Variants in TAFA2 observed in about 807,000 individuals in gnomAD.
TAFA2 encodes the protein TAFA chemokine like family member 2, also known as chemokine-like protein TAFA-2.
A neutral mutation model predicts 18.8 loss-of-function variants in TAFA2; 7 were observed. The observed-to-expected ratio is 0.37, with a 90% CI of 0.21 to 0.70. TAFA2 has a LOEUF of 0.70. Ranked by LOEUF, TAFA2 falls within the 30% of genes least tolerant of loss-of-function variation. The pLI is 0.53. For missense variants in TAFA2, 122 were observed against 158.1 expected (o/e 0.77, Z 1.23); for synonymous variants, 60 against 54.2 (o/e 1.11, Z -0.47).
intron 1 of TAFA2, among the ~76,000 whole-genome samples, chr12:62,181,994 C>CCCG (rs541761867): frequency 6.0e-5 from 9 of 149,440 alleles, no homozygotes; most frequent in African/African-American, 1.5e-4. Flanking sequence ...AGTCCATCCC[C>CCCG]CCCCCGCTAC....
intron 1 of TAFA2, among the ~76,000 whole-genome samples, chr12:62,035,732 T>TC (rs1200912605): frequency 2.4e-5 from 3 of 125,606 alleles, no homozygotes; most frequent in African/African-American, 9.4e-5. Context: ...AATGATTCTT[T>TC]CTTTTTTTTT....
intron 1 of TAFA2, among the ~76,000 whole-genome samples, chr12:62,053,177 A>G (rs1882100121): frequency 6.6e-6 from 1 of 152,244 alleles, no homozygotes; most frequent in African/African-American, 2.4e-5. Context: ...GAAAGTATAT[A>G]AAAAAGCAAT....
chr12:62,206,461 T>C (rs2062692090), intron 1 of TAFA2, among the ~76,000 whole-genome samples: 1 of 152,230 alleles, frequency 6.6e-6, no homozygotes, highest in African/African-American at 2.4e-5. Context: ...TTAATTCCAA[T>C]GCTTTATTTT....
chr12:62,150,987 G>A (rs1056609900), intron 1 of TAFA2, among the ~76,000 whole-genome samples: 2 of 150,236 alleles, frequency 1.3e-5, no homozygotes, highest in African/African-American at 2.4e-5. Context: ...AAGTGTTGAA[G>A]GCCTTGTCAA....
intron 1 of TAFA2, among the ~76,000 whole-genome samples, chr12:61,905,475 A>G (rs1408395977): frequency 2.0e-5 from 3 of 152,192 alleles, no homozygotes; most frequent in Non-Finnish European, 4.4e-5. Context: ...TTACCCCCTC[A>G]GAAGTTAAAA....
chr12:61,873,943 A>C (rs548133916), intron 1 of TAFA2, among the ~76,000 whole-genome samples: 90 of 152,188 alleles, frequency 5.9e-4, no homozygotes, highest in South Asian at 2.1e-4. Context: ...TACAGTAACA[A>C]ATTAGGAGAT....
At chr12:61,997,165 A>ATGTG (rs1280241925) in intron 1 of TAFA2, among the ~76,000 whole-genome samples, 65 of 83,762 alleles carry the variant, frequency 7.8e-4, no homozygotes, top group African/African-American at 2.0e-3. Flanking sequence ...CTATATGTAT[A>ATGTG]TATGTGTGTG....
chr12:61,857,020 T>A (rs1052285242), intron 2 of TAFA2, among the ~76,000 whole-genome samples: 1 of 151,846 alleles, frequency 6.6e-6, no homozygotes, highest in African/African-American at 2.4e-5. Context: ...GTATGTGTAG[T>A]AGAATTACAG....
intron 1 of TAFA2, among the ~76,000 whole-genome samples, chr12:62,249,059 TA>T (rs201478422): frequency 2.0e-5 from 3 of 151,992 alleles, no homozygotes; most frequent in East Asian, 1.9e-4. Context: ...GGTAATTGTT[TA>T]AAAATTTTTT....
chr12:62,123,014 C>T (rs1235831580), intron 1 of TAFA2, among the ~76,000 whole-genome samples: 1 of 152,184 alleles, frequency 6.6e-6, no homozygotes, highest in Non-Finnish European at 1.5e-5. Context: ...TAGGCTCTTC[C>T]AGCTACAGGT....
intron 1 of TAFA2, among the ~76,000 whole-genome samples, chr12:62,112,420 T>A (rs1199935072): frequency 6.6e-6 from 1 of 152,320 alleles, no homozygotes; most frequent in East Asian, 1.9e-4. Flanking sequence ...GCCCTTAACA[T>A]TTTTTCCTTC....
At chr12:62,065,049 C>T (rs1190403482) in intron 1 of TAFA2, among the ~76,000 whole-genome samples, 3 of 151,922 alleles carry the variant, frequency 2.0e-5, no homozygotes, top group African/African-American at 7.2e-5. Context: ...CTTTAGATAG[C>T]TGTTGTTGCT....
chr12:61,898,109 T>C (rs1485325331), intron 1 of TAFA2, among the ~76,000 whole-genome samples: 1 of 152,236 alleles, frequency 6.6e-6, no homozygotes, highest in Non-Finnish European at 1.5e-5. Context: ...ATGTCTCACA[T>C]CCAGGTCACA....
chr12:61,782,200 A>G (rs1404942830), intron 2 of TAFA2, among the ~76,000 whole-genome samples: 1 of 151,708 alleles, frequency 6.6e-6, no homozygotes, highest in Non-Finnish European at 1.5e-5. Context: ...AAATGAGTTC[A>G]GGCCATGATG....
At chr12:61,747,657 T>C (rs374327597) in intron 4 of TAFA2, among the ~76,000 whole-genome samples, 8,684 of 147,914 alleles carry the variant, frequency 0.059, 849 homozygotes, top group African/African-American at 0.21. Flanking sequence ...TAGGTGGGAA[T>C]TGAACAATGA....
intron 2 of TAFA2, among the ~76,000 whole-genome samples, chr12:61,838,534 T>C (rs948688681): frequency 6.6e-6 from 1 of 151,878 alleles, no homozygotes; most frequent in African/African-American, 2.4e-5. Context: ...CAAGATGAAG[T>C]AGTCAGGCAG....
chr12:61,708,388 T>C lies in TAFA2; in HGVS notation c.*2018A>G, dbSNP rs1410473249. The C allele has an allele frequency of 1.3e-5, 2 of 152,116 alleles. No homozygotes were observed. The highest frequency in any genetic ancestry group is 4.8e-5 in the African/African-American group (2 of 41,456). 9.4% of individuals were successfully genotyped at this position (152,116 alleles called of 1,614,324 possible). A position where few individuals can be genotyped will look rare whatever the true frequency, so the allele number is the denominator to read the frequency against. On this transcript the variant is annotated 3_prime_UTR_variant, in exon 5 of 5. Coordinates refer to ENST00000416284, the MANE Select transcript of TAFA2 (RefSeq NM_178539.5). ...ATGTTTTTTTTCTATTATATGCATG[T>C]ATTACACTTGTATATAATACAGAGT...
intron 1 of TAFA2, among the ~76,000 whole-genome samples, chr12:61,867,840 T>G (rs1214843563): frequency 6.6e-6 from 1 of 152,162 alleles, no homozygotes; most frequent in Non-Finnish European, 1.5e-5. Context: ...GTGTAACAGT[T>G]TATATAGAAT....
chr12:62,230,731 G>A (rs1240481584), intron 1 of TAFA2, among the ~76,000 whole-genome samples: 1 of 152,178 alleles, frequency 6.6e-6, no homozygotes, highest in Non-Finnish European at 1.5e-5. Flanking sequence ...AGGCTGGAGT[G>A]CAGTGACACA....
Sources: allele counts gnomAD v4.1 joint callset (sites outside exome capture counted in the v4.1 genomes callset), GRCh38; gene constraint gnomAD v4.1.1; transcripts MANE v1.5; gene names NCBI Gene and HGNC (gene_info 2026-07-23, HGNC 2026-07-21).